RINL: variants seen among roughly 807,000 people sequenced by gnomAD.
RINL encodes ras and Rab interactor-like protein.
Under a neutral mutation model 58.1 loss-of-function variants are expected in RINL, and 39 were observed. That is an observed-to-expected ratio of 0.67 (90% confidence interval 0.52 to 0.88). RINL has a LOEUF of 0.88. Among genes scored for constraint, RINL ranks in the 40% least tolerant of loss-of-function variants. The pLI is 0.00. For missense variants in RINL, 711 were observed against 749.2 expected (o/e 0.95, Z 0.60); for synonymous variants, 286 against 323.1 (o/e 0.89, Z 1.23).
At chr19:38,874,028 C>T (rs767477588) in intron 3 of RINL, 40 bp from the exon 4 acceptor site, 67 of 1,250,350 alleles carry the variant, frequency 5.4e-5, no homozygotes, top group Middle Eastern at 3.7e-4. Context: ...CAAAGGTGTG[C>T]GCAGATGTCT....
At position 38,870,564 on chromosome 19, in the gene RINL, C is replaced by T. The variant is rs746402955; in HGVS notation, c.1024+6G>A. The T allele has an allele frequency of 6.4e-7, 1 of 1,554,094 alleles. No homozygotes were observed. The highest frequency in any genetic ancestry group is 1.4e-5 in the African/African-American group (1 of 72,970). Reference sequence around the variant, plus strand: ...CGTGGGGGCTCCCTTCCAGTCCTCCCATTACCTGGATCCTCGTCCTTCTTG... The same window carrying T: ...CGTGGGGGCTCCCTTCCAGTCCTCCTATTACCTGGATCCTCGTCCTTCTTG... On this transcript the variant is annotated splice_donor_region_variant and intron_variant, in intron 8 of 11. Transcript: ENST00000591812. This position sits in a 1 kb window ranked among gnomAD's most constrained non-coding sequence, Gnocchi z 5.8.
rs1972783038 is a variant in RINL at position 38,870,557 on chromosome 19, G to A, written c.1024+13C>T. On this transcript the variant is annotated intron_variant, in intron 8 of 11. Coordinates refer to ENST00000591812, the MANE Select transcript of RINL (RefSeq NM_001195833.2). This position sits in a 1 kb window ranked among gnomAD's most constrained non-coding sequence, Gnocchi z 5.8. ...TTGAACCCGTGGGGGCTCCCTTCCA[G>A]TCCTCCCATTACCTGGATCCTCGTC... 1.3e-5 allele frequency: 20 copies of A among 1,542,442 alleles called. No individual in the cohort carries two copies. Among genetic ancestry groups the A allele is most frequent in the East Asian group, 2.3e-5 (1 of 44,202 alleles).
intron 4 of RINL, among the ~76,000 whole-genome samples, chr19:38,872,540 G>A (rs1972836852): frequency 6.6e-6 from 1 of 151,848 alleles, no homozygotes; most frequent in African/African-American, 2.4e-5. Flanking sequence ...TAAACAAAGT[G>A]GATATTGTAT....
At position 38,870,235 on chromosome 19, in the gene RINL, G is replaced by A. The variant is rs1040050433; in HGVS notation, c.1050C>T (p.Cys350=). 2.2e-6 allele frequency: 3 copies of A among 1,384,708 alleles called. No individual in the cohort carries two copies. Among genetic ancestry groups the A allele is most frequent in the African/African-American group, 3.0e-5 (2 of 65,576 alleles). 85.8% of individuals were successfully genotyped at this position (1,384,708 alleles called of 1,614,324 possible). A position where few individuals can be genotyped will look rare whatever the true frequency, so the allele number is the denominator to read the frequency against. The stretch of plus-strand genomic sequence containing the variant: ...GCTTCAGGGGCGCCAGCACCGCCTG[G>A]CACACCGCCGTCTCCAGCGCGGGGC... ...DPGPALETAV[C]QAVLAPLKPA... Residue 350 remains cysteine (C), a synonymous_variant, in exon 9 of 12, where the codon TGC becomes TGT. Transcript: ENST00000591812. This position sits in a 1 kb window ranked among gnomAD's most constrained non-coding sequence, Gnocchi z 5.8.
chr19:38,874,436 C>T (rs1972877423), intron 3 of RINL, among the ~76,000 whole-genome samples: 1 of 152,184 alleles, frequency 6.6e-6, no homozygotes, highest in Non-Finnish European at 1.5e-5. Flanking sequence ...CCACGCCCGG[C>T]TAAGTTTTTG....
chr19:38,869,223 A>G lies in RINL; in HGVS notation c.1638+24T>C. 1 of 1,613,984 alleles carries G rather than the reference A, an allele frequency of 6.2e-7. No individual in the cohort carries two copies. Among genetic ancestry groups the G allele is most frequent in the Non-Finnish European group, 8.5e-7 (1 of 1,179,960 alleles). ...GGCACCAGGTCTCACCCTCCCTTCTACTTGCAGCCAGATGGGCAGTCACCT... is the reference window on the plus strand; with the variant it reads ...GGCACCAGGTCTCACCCTCCCTTCTGCTTGCAGCCAGATGGGCAGTCACCT... On this transcript the variant is annotated intron_variant, in intron 11 of 11. Transcript: ENST00000591812. This position sits in a 1 kb window ranked among gnomAD's most constrained non-coding sequence, Gnocchi z 5.7.
Position 38,870,815 on chromosome 19 carries a change from G to A in RINL, c.779C>T (p.Thr260Ile), listed in dbSNP as rs1972791835. Reference sequence around the variant, plus strand: ...CCTGACCAGAGACTGGACGTGAATGGTGAGCACGTCCTCAGGGCCTTCCTC... The same window carrying A: ...CCTGACCAGAGACTGGACGTGAATGATGAGCACGTCCTCAGGGCCTTCCTC... The part of the protein sequence containing the change: ...PEEEGPEDVL[T>I]IHVQSLVRAR... The change falls in exon 8 of 12, where the codon ACC (threonine) becomes ATC (isoleucine). Residue 260 changes from threonine (T) to isoleucine (I), a missense_variant. By Grantham distance (89) the Thr-to-Ile change is moderately conservative (BLOSUM62 -1). Coordinates refer to ENST00000591812, the MANE Select transcript of RINL (RefSeq NM_001195833.2). This position sits in a 1 kb window ranked among gnomAD's most constrained non-coding sequence, Gnocchi z 5.8. The A allele has an allele frequency of 4.3e-6, 7 of 1,611,010 alleles. No homozygotes were observed. In the Admixed American group the frequency reaches 1.2e-4, roughly 27 times the overall value.
In RINL at chr19:38,869,676, C is replaced by G; in HGVS notation, c.1371G>C (p.Pro457=). 1 of 1,613,860 alleles carries G rather than the reference C, an allele frequency of 6.2e-7. No individual in the cohort carries two copies. The highest frequency in any genetic ancestry group is 8.5e-7 in the Non-Finnish European group (1 of 1,179,990). ...TCCAGATGAGTTCCTCGGTCAGCGC[C>G]GGCAGGAAGGCGTCGGCCCCCAGGG... The part of the protein sequence containing the change: ...QDPLGADAFL[P]ALTEELIWSP... The change falls in exon 10 of 12, where the codon CCG becomes CCC. Residue 457 remains proline, a synonymous_variant. Transcript: ENST00000591812. The surrounding 1 kb of genome is among the most constrained non-coding windows in gnomAD (Gnocchi z 5.7).
intron 6 of RINL, 151 bp from the exon 7 acceptor site, chr19:38,871,378 G>A: frequency 1.2e-6 from 1 of 834,724 alleles, no homozygotes; most frequent in South Asian, 1.7e-5. Context: ...CAGGAGTCCA[G>A]GCCCCTAGTC....
intron 3 of RINL, among the ~76,000 whole-genome samples, chr19:38,874,558 GC>G (rs1972879956): frequency 1.3e-5 from 2 of 152,182 alleles, no homozygotes; most frequent in Non-Finnish European, 2.9e-5. Flanking sequence ...ATAGGCGTGA[GC>G]CACTGCGTGC....
rs1972717580 is a variant in RINL at position 38,868,347 on chromosome 19, TCACAATTG to T, written c.*749_*756del. 1 of 152,040 alleles carries T rather than the reference TCACAATTG, an allele frequency of 6.6e-6. No individual in the cohort carries two copies. Among genetic ancestry groups the T allele is most frequent in the African/African-American group, 2.4e-5 (1 of 41,388 alleles). The allele number at this position is 152,040 out of a possible 1,614,324, so 9.4% of individuals were successfully genotyped here. ...GTGATACATTCTTTGGGAAAAACGA[TCACAATTG>T]GGCACGGTGGCTCACGCCTATAATC... is the stretch of plus-strand genomic sequence containing the variant. On this transcript the variant is annotated 3_prime_UTR_variant, in exon 12 of 12. Transcript: ENST00000591812.
In RINL at chr19:38,869,526, G is replaced by C. The variant is rs569493872; in HGVS notation, c.1474+47C>G. 6.2e-6 allele frequency: 10 copies of C among 1,604,788 alleles called. No individual in the cohort carries two copies. The East Asian group carries it at 1.1e-4, about 18-fold the overall frequency. Reference sequence around the variant, plus strand: ...CGGGGGGAGGCTGTTTGGGATCCCGGAGGTACTGGATCGCTGGGCTCCAGC... The same window carrying C: ...CGGGGGGAGGCTGTTTGGGATCCCGCAGGTACTGGATCGCTGGGCTCCAGC... On this transcript the variant is annotated intron_variant, in intron 10 of 11. Transcript: ENST00000591812. This position sits in a 1 kb window ranked among gnomAD's most constrained non-coding sequence, Gnocchi z 5.7.
intron 3 of RINL, among the ~76,000 whole-genome samples, chr19:38,875,527 A>G (rs563917589): frequency 1.7e-4 from 26 of 150,518 alleles, no homozygotes; most frequent in Non-Finnish European, 3.0e-4. Flanking sequence ...AATACAAAAA[A>G]TTAGCCGGGC....
chr19:38,878,078 G>A (rs1002982308), intron 1 of RINL, among the ~76,000 whole-genome samples, 154 bp downstream of exon 1: 14 of 152,208 alleles, frequency 9.2e-5, no homozygotes, highest in Non-Finnish European at 1.6e-4. Context: ...GAGGGGAGGG[G>A]AGGGGAGAGG....
intron 6 of RINL, 49 bp from the exon 7 acceptor site, chr19:38,871,276 C>CCCTG (rs1568386967): frequency 6.2e-7 from 1 of 1,600,894 alleles, no homozygotes; most frequent in Non-Finnish European, 8.6e-7. Context: ...AAGGGACCAA[C>CCCTG]CCTGGTCCCC....
At chr19:38,872,381 G>A (rs1014327093) in intron 4 of RINL, among the ~76,000 whole-genome samples, 1 of 151,840 alleles carries the variant, frequency 6.6e-6, no homozygotes, top group Non-Finnish European at 1.5e-5. Flanking sequence ...AGATACTTGG[G>A]AGCCTGAGGC....
intron 3 of RINL, among the ~76,000 whole-genome samples, 171 bp from the exon 4 acceptor site, chr19:38,874,159 C>T (rs2144647601): frequency 6.6e-6 from 1 of 152,354 alleles, no homozygotes; most frequent in Non-Finnish European, 1.5e-5. Flanking sequence ...CCCCCAAGCC[C>T]TGGCGGGGTG....
rs138674373 is a variant in RINL, at chr19:38,873,084, A to G, written c.313+802T>C. Among the ~76,000 whole-genome samples the G allele has an allele frequency of 9.2e-5, 14 of 152,184 alleles. No homozygotes were observed. The East Asian group carries it at 2.3e-3, about 25-fold the overall frequency. Reference sequence around the variant, plus strand: ...TCTGTCTAAAAGAAAAAAGAAAAAGAAAGTGACCAAGGTGCCATCTTTTAA... The same window carrying G: ...TCTGTCTAAAAGAAAAAAGAAAAAGGAAGTGACCAAGGTGCCATCTTTTAA... On this transcript the variant is annotated intron_variant, in intron 4 of 11. Transcript: ENST00000591812.
At position 38,873,340 on chromosome 19, in the gene RINL, A is replaced by G. The variant is rs549758259; in HGVS notation, c.313+546T>C. Among the ~76,000 whole-genome samples, 12 of 152,312 alleles carry G rather than the reference A, an allele frequency of 7.9e-5. No homozygotes were observed. In the East Asian group the frequency reaches 2.1e-3, roughly 27 times the overall value. ...AACTACATCACACAGCACCTTATAG[A>G]TCATGACAAGGAGTTTACATTTTGT... On this transcript the variant is annotated intron_variant, in intron 4 of 11. Coordinates refer to ENST00000591812, the MANE Select transcript of RINL (RefSeq NM_001195833.2).
Sources: gnomAD v4.1 joint callset for allele counts (sites outside exome capture counted in the v4.1 genomes callset) on GRCh38, gnomAD v4.1.1 for gene constraint, Gnocchi (gnomAD v3.1) non-coding constraint, MANE v1.5 for transcripts, NCBI Gene and HGNC (gene_info 2026-07-23, HGNC 2026-07-21) for gene names.